AADACL2: variants seen among roughly 807,000 people sequenced by gnomAD.
AADACL2 encodes the protein arylacetamide deacetylase-like 2.
In AADACL2, 23 loss-of-function variants were observed where a neutral mutation model predicts 22.3. The observed-to-expected ratio is 1.03, with a 90% CI of 0.74 to 1.46. AADACL2 has a LOEUF of 1.46. Ranked by LOEUF, AADACL2 falls within the 40% of genes most tolerant of loss-of-function variation. The pLI is 0.00. For missense variants in AADACL2, 472 were observed against 482.9 expected (o/e 0.98, Z 0.21); for synonymous variants, 177 against 166.2 (o/e 1.07, Z -0.50).
rs1031478146 is a variant in AADACL2 at position 151,759,656 on chromosome 3, A to G, written c.*2062A>G. 1 of 152,252 alleles carries G rather than the reference A, an allele frequency of 6.6e-6. No individual in the cohort carries two copies. Among genetic ancestry groups the G allele is most frequent in the Non-Finnish European group, 1.5e-5 (1 of 68,058 alleles). The allele number at this position is 152,252 out of a possible 1,614,324, so 9.4% of individuals were successfully genotyped here. ...GTAGAAATGTATGCTAAGGTAGGCC[A>G]GTCAATCCTTTTTTATTTATTTTGT... On this transcript the variant is annotated 3_prime_UTR_variant, in exon 5 of 5. Coordinates refer to ENST00000356517, the MANE Select transcript of AADACL2 (RefSeq NM_207365.4).
At chr3:151,735,363 T>A (rs768110273) in intron 1 of AADACL2, among the ~76,000 whole-genome samples, 4 of 152,208 alleles carry the variant, frequency 2.6e-5, no homozygotes, top group Admixed American at 1.3e-4. Context: ...TCAATGTCTA[T>A]CAGCTAGTAA....
Position 151,757,097 on chromosome 3 carries a change from C to G in AADACL2, c.709C>G (p.His237Asp), listed in dbSNP as rs1478664473. ...TTTGCCATCTCACCGAGAAAATGAGCATGGTATAGTTTTGACCAGGGATGT... is the reference window on the plus strand; with the variant it reads ...TTTGCCATCTCACCGAGAAAATGAGGATGGTATAGTTTTGACCAGGGATGT... ...SYLPSHRENE[H>D]GIVLTRDVAI... The change falls in exon 5 of 5, where the codon CAT becomes GAT. Residue 237 changes from histidine to aspartate, a missense_variant. Physicochemically the swap from His to Asp is moderately conservative, Grantham distance 81. Coordinates refer to ENST00000356517, the MANE Select transcript of AADACL2 (RefSeq NM_207365.4). The G allele has an allele frequency of 6.2e-7, 1 of 1,613,106 alleles. No individual in the cohort carries two copies. Among genetic ancestry groups the G allele is most frequent in the Non-Finnish European group, 8.5e-7 (1 of 1,179,544 alleles).
intron 2 of AADACL2, among the ~76,000 whole-genome samples, chr3:151,743,594 T>C (rs746964999): frequency 6.6e-6 from 1 of 152,204 alleles, no homozygotes; most frequent in Non-Finnish European, 1.5e-5. Context: ...TATTTTATTA[T>C]GTGGCATCTT....
intron 4 of AADACL2, among the ~76,000 whole-genome samples, chr3:151,756,517 T>C (rs1400608636): frequency 6.6e-6 from 1 of 152,048 alleles, no homozygotes. Flanking sequence ...TAAAAATGTT[T>C]AAGATTTTTT....
chr3:151,754,617 G>C (rs1713817808), intron 4 of AADACL2, among the ~76,000 whole-genome samples: 1 of 152,018 alleles, frequency 6.6e-6, no homozygotes, highest in African/African-American at 2.4e-5. Context: ...ATAAGGATGG[G>C]CTTTATTGAA....
At chr3:151,739,326 G>C (rs1713198517) in intron 1 of AADACL2, among the ~76,000 whole-genome samples, 1 of 152,184 alleles carries the variant, frequency 6.6e-6, no homozygotes, top group African/African-American at 2.4e-5. Flanking sequence ...ACCAGTGGAG[G>C]CTGCAGAACA....
In AADACL2 at chr3:151,761,325, G is replaced by C. The variant is rs1576621294; in HGVS notation, c.*3731G>C. 6.2e-6 allele frequency: 1 copy of C among 161,234 alleles called. No individual in the cohort carries two copies. Among genetic ancestry groups the C allele is most frequent in the East Asian group, 1.7e-4 (1 of 5,782 alleles). 10.0% of individuals were successfully genotyped at this position (161,234 alleles called of 1,614,324 possible). A position where few individuals can be genotyped will look rare whatever the true frequency, so the allele number is the denominator to read the frequency against. On this transcript the variant is annotated 3_prime_UTR_variant, in exon 5 of 5. Coordinates refer to ENST00000356517, the MANE Select transcript of AADACL2 (RefSeq NM_207365.4). ...AAGTAAATAAAGGCCTTGTGCCATT[G>C]GTGGTGTTCTGAAAGGAAGAGTCCA...
Position 151,738,435 on chromosome 3 carries a change from T to C in AADACL2, c.139-2211T>C, listed in dbSNP as rs891559440. On this transcript the variant is annotated intron_variant, in intron 1 of 4. Transcript: ENST00000356517. ...CTCCAGCTGCCTTTACATTTTTCCT[T>C]TGTTTTAACCTTGGAGAATCTGATG... Among the ~76,000 whole-genome samples the C allele has an allele frequency of 5.3e-5, 8 of 152,208 alleles. 1 individual carries two copies. Among genetic ancestry groups the C allele is most frequent in the Non-Finnish European group, 5.9e-5 (4 of 68,042 alleles).
chr3:151,761,112 T>C lies in AADACL2; in HGVS notation c.*3518T>C, dbSNP rs1267844697. 1 of 147,016 alleles carries C rather than the reference T, an allele frequency of 6.8e-6. No individual in the cohort carries two copies. Among genetic ancestry groups the C allele is most frequent in the Non-Finnish European group, 1.5e-5 (1 of 67,162 alleles). The allele number at this position is 147,016 out of a possible 1,614,324, so 9.1% of individuals were successfully genotyped here. A position where few individuals can be genotyped will look rare whatever the true frequency, so the allele number is the denominator to read the frequency against. On this transcript the variant is annotated 3_prime_UTR_variant, in exon 5 of 5. Coordinates refer to ENST00000356517, the MANE Select transcript of AADACL2 (RefSeq NM_207365.4). ...GGTGAGATATATATATATTTTTTTA[T>C]ATATGGTGAGATATATATTTATATA...
At chr3:151,738,399 C>T (rs1713164486) in intron 1 of AADACL2, among the ~76,000 whole-genome samples, 1 of 152,152 alleles carries the variant, frequency 6.6e-6, no homozygotes, top group African/African-American at 2.4e-5. Context: ...TGTAGGTAAC[C>T]TGACCTGTCT....
chr3:151,740,705 C>A lies in AADACL2; in HGVS notation c.198C>A (p.Phe66Leu). 6.2e-7 allele frequency: 1 copy of A among 1,613,744 alleles called. No homozygotes were observed. Among genetic ancestry groups the A allele is most frequent in the South Asian group, 1.1e-5 (1 of 91,056 alleles). Reference protein sequence around the residue: ...MRYEEFISMIFRLDYTQPLSD... With the variant: ...MRYEEFISMILRLDYTQPLSD... ...ATGAAGAGTTTATATCCATGATATT[C>A]AGGCTGGATTATACCCAACCACTTT... Residue 66 changes from phenylalanine (F) to leucine (L), a missense_variant, in exon 2 of 5, where the codon TTC (phenylalanine) becomes TTA (leucine). Physicochemically the swap from Phe to Leu is conservative, Grantham distance 22 (BLOSUM62 0). Transcript: ENST00000356517.
chr3:151,734,790 G>A (rs961560307), intron 1 of AADACL2, among the ~76,000 whole-genome samples: 26 of 152,192 alleles, frequency 1.7e-4, no homozygotes, highest in African/African-American at 5.3e-4. Context: ...TTGATTCCCC[G>A]CTATCCTGCA....
intron 1 of AADACL2, among the ~76,000 whole-genome samples, chr3:151,740,238 G>T (rs374461612): frequency 6.6e-6 from 1 of 152,224 alleles, no homozygotes; most frequent in Non-Finnish European, 1.5e-5. Context: ...TCCCTTGGGT[G>T]GGGGAGGGAG....
intron 2 of AADACL2, among the ~76,000 whole-genome samples, chr3:151,742,511 A>G (rs1713313213): frequency 6.6e-6 from 1 of 152,200 alleles, no homozygotes; most frequent in African/African-American, 2.4e-5. Context: ...TTTGAAATAC[A>G]TCACTGAGTG....
rs958898059 is a variant in AADACL2, at chr3:151,759,095, T to C, written c.*1501T>C. 6.6e-6 allele frequency: 1 copy of C among 152,100 alleles called. No individual in the cohort carries two copies. Among genetic ancestry groups the C allele is most frequent in the Non-Finnish European group, 1.5e-5 (1 of 67,976 alleles). 9.4% of individuals were successfully genotyped at this position (152,100 alleles called of 1,614,324 possible). ...CTATGACAAATGAAAATAAGTATCA[T>C]GGGAATCTGTTTTTTTCCTCTGAGA... On this transcript the variant is annotated 3_prime_UTR_variant, in exon 5 of 5. Transcript: ENST00000356517.
At chr3:151,756,892 A>G in intron 4 of AADACL2, 100 bp from the exon 5 acceptor site, 1 of 1,037,498 alleles carries the variant, frequency 9.6e-7, no homozygotes, top group Non-Finnish European at 1.3e-6. Context: ...ACATCAATTT[A>G]TGTAGATTTG....
At chr3:151,743,232 T>C (rs1353666272) in intron 2 of AADACL2, among the ~76,000 whole-genome samples, 1 of 152,178 alleles carries the variant, frequency 6.6e-6, no homozygotes, top group African/African-American at 2.4e-5. Flanking sequence ...CACCCTGTGG[T>C]TAGTTTTCAC....
chr3:151,757,717 T>C lies in AADACL2; in HGVS notation c.*123T>C. On this transcript the variant is annotated 3_prime_UTR_variant, in exon 5 of 5. Coordinates refer to ENST00000356517, the MANE Select transcript of AADACL2 (RefSeq NM_207365.4). ...TCTACATTTGCAACATTTGTAGCAGTTAATGTGTGTCCTTGAAGAGTTATT... is the reference window on the plus strand; with the variant it reads ...TCTACATTTGCAACATTTGTAGCAGCTAATGTGTGTCCTTGAAGAGTTATT... 2 of 1,228,424 alleles carry C rather than the reference T, an allele frequency of 1.6e-6. No homozygotes were observed. Among genetic ancestry groups the C allele is most frequent in the South Asian group, 1.6e-5 (1 of 63,220 alleles). The allele number at this position is 1,228,424 out of a possible 1,614,324, so 76.1% of individuals were successfully genotyped here.
intron 1 of AADACL2, among the ~76,000 whole-genome samples, chr3:151,740,131 C>T (rs1475090356): frequency 1.3e-5 from 2 of 152,246 alleles, no homozygotes; most frequent in Admixed American, 6.5e-5. Context: ...ACCCAGGGCC[C>T]TGCTGTAGGC....
Sources: gnomAD v4.1 joint callset for allele counts (sites outside exome capture counted in the v4.1 genomes callset) on GRCh38, gnomAD v4.1.1 for gene constraint, MANE v1.5 for transcripts, NCBI Gene and HGNC (gene_info 2026-07-23, HGNC 2026-07-21) for gene names.